PTPRD: variants seen among roughly 807,000 people sequenced by gnomAD.
The protein encoded by PTPRD is receptor-type tyrosine-protein phosphatase delta.
Under a neutral mutation model 214.5 loss-of-function variants are expected in PTPRD, and 34 were observed. That is an observed-to-expected ratio of 0.16 (90% CI 0.12 to 0.21). The LOEUF is 0.21. Among genes scored for constraint, PTPRD ranks in the 10% least tolerant of loss-of-function variants. PTPRD has a pLI of 1.00. For synonymous variants in PTPRD, 1,128 were observed against 845.7 expected, an observed-to-expected ratio of 1.33 and a Z score of -5.79; for missense variants, 2,545 against 2,398.7, an observed-to-expected ratio of 1.06 and a Z score of -1.27.
At chr9:8,470,254 G>C (rs1196688318) in intron 31 of PTPRD, among the ~76,000 whole-genome samples, 1 of 151,972 alleles carries the variant, frequency 6.6e-6, no homozygotes, top group Non-Finnish European at 1.5e-5. Flanking sequence ...AACACTTCTG[G>C]ATCATATTTT....
At chr9:9,279,663 GT>G (rs1248462524) in intron 9 of PTPRD, among the ~76,000 whole-genome samples, 7 of 150,506 alleles carry the variant, frequency 4.7e-5, no homozygotes, top group African/African-American at 1.7e-4. Flanking sequence ...AGAAGAGAAT[GT>G]TTAAAAACTT....
rs1208997759 is a variant in PTPRD at position 9,058,927 on chromosome 9, GGAATTTAGGT to G, written c.-142-40202_-142-40193del. Among the ~76,000 whole-genome samples, 14 of 152,240 alleles carry G rather than the reference GGAATTTAGGT, an allele frequency of 9.2e-5. No homozygotes were observed. The East Asian group carries it at 2.5e-3, about 27-fold the overall frequency. ...GGACTGATTATAATACATTTATAGT[GGAATTTAGGT>G]GAGTGCCCAAAACATCTCAGCTGAA... On this transcript the variant is annotated intron_variant, in intron 10 of 45. Coordinates refer to ENST00000381196, the MANE Select transcript of PTPRD (RefSeq NM_002839.4).
intron 44 of PTPRD, among the ~76,000 whole-genome samples, chr9:8,330,822 TATATTTTTTA>T (rs1587775261): frequency 6.6e-6 from 1 of 150,940 alleles, no homozygotes; most frequent in Non-Finnish European, 1.5e-5. Context: ...TGAAGCAAAA[TATATTTTTTA>T]ATAAACTCTC....
At chr9:9,277,667 T>C (rs914124182) in intron 9 of PTPRD, among the ~76,000 whole-genome samples, 1 of 151,306 alleles carries the variant, frequency 6.6e-6, no homozygotes, top group African/African-American at 2.4e-5. Context: ...GTAATGAAAG[T>C]TTCCCATCTG....
intron 8 of PTPRD, among the ~76,000 whole-genome samples, chr9:9,477,049 T>G (rs1282701492): frequency 6.6e-6 from 1 of 152,108 alleles, no homozygotes; most frequent in Non-Finnish European, 1.5e-5. Flanking sequence ...ATACCATTAT[T>G]TCTAAACCAT....
chr9:8,624,046 G>A (rs2095917287), intron 14 of PTPRD, among the ~76,000 whole-genome samples: 1 of 151,788 alleles, frequency 6.6e-6, no homozygotes, highest in African/African-American at 2.4e-5. Context: ...TTTTTATCTA[G>A]TCTGTGACCT....
Position 10,149,658 on chromosome 9 carries a change from G to A in PTPRD, c.-544-115868C>T, listed in dbSNP as rs533521643. 3.9e-5 allele frequency among the ~76,000 whole-genome samples: 6 copies of A among 152,162 alleles called. No individual in the cohort carries two copies. The East Asian group carries it at 9.7e-4, about 24-fold the overall frequency. ...CCAGAATGAATAGATTATAATTCCA[G>A]CTCATTATTGATTATCTATAAAACT... On this transcript the variant is annotated intron_variant, in intron 3 of 45. Coordinates refer to ENST00000381196, the MANE Select transcript of PTPRD (RefSeq NM_002839.4).
chr9:10,145,016 A>C (rs1269536753), intron 3 of PTPRD, among the ~76,000 whole-genome samples: 1 of 152,140 alleles, frequency 6.6e-6, no homozygotes, highest in Non-Finnish European at 1.5e-5. Flanking sequence ...ATCAGGAAAA[A>C]AAATATGAAA....
At chr9:10,537,987 C>T (rs369172118) in intron 2 of PTPRD, among the ~76,000 whole-genome samples, 2 of 152,148 alleles carry the variant, frequency 1.3e-5, no homozygotes, top group South Asian at 2.1e-4. Context: ...AAGCCTTCCA[C>T]CTAAAATTTG....
intron 8 of PTPRD, among the ~76,000 whole-genome samples, chr9:9,487,846 C>T (rs1478377976): frequency 6.6e-6 from 1 of 152,038 alleles, no homozygotes; most frequent in Admixed American, 6.6e-5. Flanking sequence ...GAAAGTATCC[C>T]TAATAATTCC....
chr9:10,338,939 A>G, intron 3 of PTPRD, among the ~76,000 whole-genome samples: 1 of 146,000 alleles, frequency 6.8e-6, no homozygotes, highest in African/African-American at 2.5e-5. Context: ...TATAATGTAG[A>G]CAAAAAAAAA....
chr9:9,088,363 G>A (rs1267875466), intron 10 of PTPRD, among the ~76,000 whole-genome samples: 1 of 151,496 alleles, frequency 6.6e-6, no homozygotes. Flanking sequence ...CGAGGCAGCT[G>A]GATCACCTGA....
intron 7 of PTPRD, among the ~76,000 whole-genome samples, chr9:9,695,563 C>A (rs948577000): frequency 1.3e-5 from 2 of 152,056 alleles, no homozygotes; most frequent in Admixed American, 6.6e-5. Context: ...TTTATTATTT[C>A]GAGGTATGTT....
intron 9 of PTPRD, among the ~76,000 whole-genome samples, chr9:9,223,574 A>C (rs1335927592): frequency 6.6e-6 from 1 of 152,042 alleles, no homozygotes; most frequent in Admixed American, 6.6e-5. Flanking sequence ...AAATGCCTTC[A>C]TTATTTTTTT....
At chr9:8,934,421 G>GTA (rs200706346) in intron 11 of PTPRD, among the ~76,000 whole-genome samples, 1 of 27,338 alleles carries the variant, frequency 3.7e-5, no homozygotes, top group Non-Finnish European at 6.1e-5. Flanking sequence ...GTGTGTGTGT[G>GTA]TATATATATA....
At chr9:8,655,558 G>T (rs1231619146) in intron 12 of PTPRD, among the ~76,000 whole-genome samples, 1 of 152,034 alleles carries the variant, frequency 6.6e-6, no homozygotes, top group African/African-American at 2.4e-5. Context: ...GAATATGAAG[G>T]TGTGTATAGA....
At position 9,567,070 on chromosome 9, in the gene PTPRD, T is replaced by A. The variant is rs574161642; in HGVS notation, c.-237+7662A>T. 1.1e-4 allele frequency among the ~76,000 whole-genome samples: 16 copies of A among 152,126 alleles called. No homozygotes were observed. The South Asian group carries it at 3.3e-3, about 32-fold the overall frequency. On this transcript the variant is annotated intron_variant, in intron 8 of 45. Coordinates refer to ENST00000381196, the MANE Select transcript of PTPRD (RefSeq NM_002839.4). ...AAATAATCAGTCTAATGGAAATATG[T>A]TGAAGGTCAATGGGAAAATGAAAGC...
chr9:10,432,943 T>C (rs1688681733), intron 2 of PTPRD, among the ~76,000 whole-genome samples: 1 of 152,030 alleles, frequency 6.6e-6, no homozygotes, highest in Non-Finnish European at 1.5e-5. Flanking sequence ...TGCTATCACA[T>C]TTGCCTTCCA....
intron 2 of PTPRD, among the ~76,000 whole-genome samples, chr9:10,594,783 G>C (rs1404344454): frequency 6.6e-6 from 1 of 151,960 alleles, no homozygotes; most frequent in Non-Finnish European, 1.5e-5. Flanking sequence ...GGTAGGGGCA[G>C]CTGGGCATAA....
Sources: allele counts gnomAD v4.1 joint callset (sites outside exome capture counted in the v4.1 genomes callset), GRCh38; gene constraint gnomAD v4.1.1; transcripts MANE v1.5; gene names NCBI Gene and HGNC (gene_info 2026-07-23, HGNC 2026-07-21).